TAF15: variants seen among roughly 807,000 people sequenced by gnomAD.
TAF15 encodes TATA-box binding protein associated factor 15, also known as TATA-binding protein-associated factor 2N.
A neutral mutation model predicts 102.5 loss-of-function variants in TAF15; 37 were observed. The observed-to-expected ratio is 0.36, with a 90% CI of 0.28 to 0.47. The LOEUF is 0.47. Among genes scored for constraint, TAF15 ranks in the 20% least tolerant of loss-of-function variants. TAF15 has a pLI of 0.99. For missense variants in TAF15, 652 were observed against 760.7 expected (o/e 0.86, Z 1.68); for synonymous variants, 273 against 259.2 (o/e 1.05, Z -0.51).
chr17:35,835,981 C>A, intron 9 of TAF15, 151 bp from the exon 10 acceptor site: 1 of 621,562 alleles, frequency 1.6e-6, no homozygotes, highest in Non-Finnish European at 2.8e-6. Flanking sequence ...GAATACTTTG[C>A]ATGTTTATAT....
At position 35,846,991 on chromosome 17, in the gene TAF15, A is replaced by C; in HGVS notation, c.*46A>C. On this transcript the variant is annotated 3_prime_UTR_variant, in exon 16 of 16. Coordinates refer to ENST00000605844, the MANE Select transcript of TAF15 (RefSeq NM_139215.3). ...TTGTCTCTGACATGATCCATAGTGAAATTGCCAGAGTTTTGCCTGCTGCTT... is the reference window on the plus strand; with the variant it reads ...TTGTCTCTGACATGATCCATAGTGACATTGCCAGAGTTTTGCCTGCTGCTT... The C allele has an allele frequency of 6.2e-7, 1 of 1,610,356 alleles. No homozygotes were observed. The highest frequency in any genetic ancestry group is 1.1e-5 in the South Asian group (1 of 91,016).
intron 9 of TAF15, 109 bp from the exon 10 acceptor site, chr17:35,836,023 G>A (rs2087470065): frequency 1.3e-6 from 1 of 752,162 alleles, no homozygotes; most frequent in African/African-American, 1.7e-5. Context: ...CTTTCCTTTT[G>A]GTCATAGAAA....
At position 35,847,003 on chromosome 17, in the gene TAF15, T is replaced by G; in HGVS notation, c.*58T>G. The G allele has an allele frequency of 6.3e-7, 1 of 1,598,060 alleles. No individual in the cohort carries two copies. The highest frequency in any genetic ancestry group is 8.6e-7 in the Non-Finnish European group (1 of 1,165,500). On this transcript the variant is annotated 3_prime_UTR_variant, in exon 16 of 16. Transcript: ENST00000605844. ...TGATCCATAGTGAAATTGCCAGAGTTTTGCCTGCTGCTTTCCTCGTGGCCT... is the reference window on the plus strand; with the variant it reads ...TGATCCATAGTGAAATTGCCAGAGTGTTGCCTGCTGCTTTCCTCGTGGCCT...
rs1295960106 is a variant in TAF15, at chr17:35,847,239, T to G, written c.*294T>G. ...AAGGCTGCTTGTTTTTGTGGACTTTTGTACATACTAGTGCATTGTTCTGTC... is the reference window on the plus strand; with the variant it reads ...AAGGCTGCTTGTTTTTGTGGACTTTGGTACATACTAGTGCATTGTTCTGTC... On this transcript the variant is annotated 3_prime_UTR_variant, in exon 16 of 16. Coordinates refer to ENST00000605844, the MANE Select transcript of TAF15 (RefSeq NM_139215.3). 4 of 598,548 alleles carry G rather than the reference T, an allele frequency of 6.7e-6. No homozygotes were observed. The highest frequency in any genetic ancestry group is 1.2e-5 in the Non-Finnish European group (4 of 337,544). The allele number at this position is 598,548 out of a possible 1,614,324, so 37.1% of individuals were successfully genotyped here.
In TAF15 at chr17:35,809,560, G is replaced by A. The variant is rs1311208943; in HGVS notation, c.-10G>A. On this transcript the variant is annotated 5_prime_UTR_variant, in exon 1 of 16. Transcript: ENST00000605844. ...CGGGCTGTGGGGCCTCCGCGCCGCG[G>A]CCGTTAGTCATGTCGGGTAGGTGAC... 2 of 1,613,222 alleles carry A rather than the reference G, an allele frequency of 1.2e-6. No homozygotes were observed. The highest frequency in any genetic ancestry group is 1.7e-5 in the Admixed American group (1 of 60,000).
At chr17:35,818,931 A>G (rs2087226271) in intron 2 of TAF15, among the ~76,000 whole-genome samples, 1 of 152,188 alleles carries the variant, frequency 6.6e-6, no homozygotes, top group Non-Finnish European at 1.5e-5. Flanking sequence ...AAAATACCAT[A>G]AAAAATATTA....
intron 7 of TAF15, among the ~76,000 whole-genome samples, chr17:35,829,648 AAAAAAAAAG>A (rs1170578047): frequency 1.1e-4 from 17 of 148,106 alleles, no homozygotes; most frequent in African/African-American, 3.5e-4. Context: ...AAAAAAAAAA[AAAAAAAAAG>A]AGAGAGAGAG....
chr17:35,828,411 C>T (rs2087356447), intron 7 of TAF15, among the ~76,000 whole-genome samples: 1 of 152,128 alleles, frequency 6.6e-6, no homozygotes, highest in Admixed American at 6.5e-5. Context: ...TCAATATATT[C>T]AAAATATTTC....
intron 7 of TAF15, among the ~76,000 whole-genome samples, chr17:35,824,585 A>G (rs2087303680): frequency 6.6e-6 from 1 of 152,212 alleles, no homozygotes; most frequent in African/African-American, 2.4e-5. Flanking sequence ...GGCAGAGGCT[A>G]TTTCTTAATC....
chr17:35,844,073 C>G lies in TAF15; in HGVS notation c.1007-4C>G. ...ATTTTTCTCCCCTGGCCCCATCCCC[C>G]TAGGCCGTGGAGGATATAGAGGTCG... is the stretch of plus-strand genomic sequence containing the variant. On this transcript the variant is annotated splice_polypyrimidine_tract_variant and splice_region_variant and intron_variant, in intron 12 of 15. Transcript: ENST00000605844. 4 of 1,614,014 alleles carry G rather than the reference C, an allele frequency of 2.5e-6. No homozygotes were observed. Among genetic ancestry groups the G allele is most frequent in the Admixed American group, 1.7e-5 (1 of 60,020 alleles).
chr17:35,817,810 G>A, intron 2 of TAF15, 55 bp downstream of exon 2: 1 of 1,495,066 alleles, frequency 6.7e-7, no homozygotes, highest in East Asian at 2.3e-5. Context: ...GGTGAATTTT[G>A]TCAAGCTTCT....
chr17:35,830,947 A>G (rs1012951263), intron 7 of TAF15, among the ~76,000 whole-genome samples: 3 of 152,218 alleles, frequency 2.0e-5, no homozygotes, highest in Admixed American at 6.5e-5. Flanking sequence ...ATGGAGAACC[A>G]CTGACATGTC....
At chr17:35,837,446 C>T (rs951094547) in intron 10 of TAF15, among the ~76,000 whole-genome samples, 1 of 152,106 alleles carries the variant, frequency 6.6e-6, no homozygotes, top group Non-Finnish European at 1.5e-5. Flanking sequence ...CGTGATCCAC[C>T]ATGCCTGGCC....
At chr17:35,844,456 G>T in intron 14 of TAF15, 21 bp from the exon 15 acceptor site, 1 of 1,613,726 alleles carries the variant, frequency 6.2e-7, no homozygotes, top group Non-Finnish European at 8.5e-7. Context: ...TGGCCTCATT[G>T]TTTGCATTTC....
intron 1 of TAF15, 153 bp downstream of exon 1, chr17:35,809,729 C>T (rs2087102330): frequency 1.9e-6 from 2 of 1,028,764 alleles, no homozygotes; most frequent in Non-Finnish European, 2.9e-6. Context: ...CCATGTTGAA[C>T]TGGAGGCACG....
intron 1 of TAF15, among the ~76,000 whole-genome samples, chr17:35,814,454 A>C (rs990826477): frequency 6.6e-6 from 1 of 151,810 alleles, no homozygotes; most frequent in Non-Finnish European, 1.5e-5. Context: ...AGGCGTGAGC[A>C]ACTGCACCCA....
chr17:35,829,298 T>C (rs111271400), intron 7 of TAF15, among the ~76,000 whole-genome samples: 56 of 151,628 alleles, frequency 3.7e-4, no homozygotes, highest in African/African-American at 1.0e-3. Flanking sequence ...TAAATAGATA[T>C]AGTTAGGTTT....
intron 1 of TAF15, among the ~76,000 whole-genome samples, chr17:35,811,851 T>C (rs2087127776): frequency 6.6e-6 from 1 of 152,224 alleles, no homozygotes. Context: ...ATTCTGGCAG[T>C]GTGGCAGACC....
intron 1 of TAF15, chr17:35,816,945 G>C (rs1056795136): frequency 6.7e-6 from 1 of 149,618 alleles, no homozygotes; most frequent in Non-Finnish European, 1.5e-5. Context: ...TCAGCCTCTC[G>C]AGTAGCTGGG....
Sources: gnomAD v4.1 joint callset for allele counts (sites outside exome capture counted in the v4.1 genomes callset) on GRCh38, gnomAD v4.1.1 for gene constraint, MANE v1.5 for transcripts, NCBI Gene and HGNC (gene_info 2026-07-23, HGNC 2026-07-21) for gene names.